SDK2: variants seen among roughly 807,000 people sequenced by gnomAD.
The protein encoded by SDK2 is protein sidekick-2.
In SDK2, 105 loss-of-function variants were observed where a neutral mutation model predicts 253.9. The observed-to-expected ratio is 0.41, with a 90% CI of 0.35 to 0.49. The LOEUF is 0.49. Among genes scored for constraint, SDK2 ranks in the 20% least tolerant of loss-of-function variants. The probability of loss-of-function intolerance (pLI) is 0.06; values close to 1 mark genes in which losing one functional copy is unlikely to be tolerated. For missense variants in SDK2, 2,608 were observed against 3,003.0 expected, an observed-to-expected ratio of 0.87 and a Z score of 3.07; for synonymous variants, 1,249 against 1,234.9, an observed-to-expected ratio of 1.01 and a Z score of -0.24.
chr17:73,435,397 C>T lies in SDK2; in HGVS notation c.1195+53G>A. On this transcript the variant is annotated intron_variant, in intron 9 of 44. Transcript: ENST00000392650. This position sits in a 1 kb window ranked among gnomAD's most constrained non-coding sequence, Gnocchi z 5.7. ...CCCCTCGGAAGACCTTGGAAGAAAG[C>T]TGCGTCCTGGGAAGAGGGGCTCACG... 6.7e-7 allele frequency: 1 copy of T among 1,496,872 alleles called. No homozygotes were observed. The highest frequency in any genetic ancestry group is 9.0e-7 in the Non-Finnish European group (1 of 1,110,406). 92.7% of individuals were successfully genotyped at this position (1,496,872 alleles called of 1,614,324 possible). A position where few individuals can be genotyped will look rare whatever the true frequency, so the allele number is the denominator to read the frequency against.
rs537859725 is a variant in SDK2 at position 73,544,574 on chromosome 17, ATG to A, written c.65-36979_65-36978del. On this transcript the variant is annotated intron_variant, in intron 1 of 44. Transcript: ENST00000392650. ...GATGGATGAATATGTGTATGTATGCATGTGTGTATGGATGGACAGAATGGATA... is the reference window on the plus strand; with the variant it reads ...GATGGATGAATATGTGTATGTATGCATGTGTATGGATGGACAGAATGGATA... Among the ~76,000 whole-genome samples the A allele has an allele frequency of 5.2e-4, 79 of 152,338 alleles. 3 individuals are homozygous for A. In the South Asian group the frequency reaches 0.016, roughly 30 times the overall value.
At chr17:73,519,070 G>A (rs183627853) in intron 1 of SDK2, 2 of 152,362 alleles carry the variant, frequency 1.3e-5, no homozygotes, top group South Asian at 2.1e-4. Flanking sequence ...AGGTCTGCAG[G>A]AGCCCAGAGC....
Position 73,379,520 on chromosome 17 carries a change from G to A in SDK2, c.4792C>T (p.Arg1598Trp), listed in dbSNP as rs865895593. 9.9e-6 allele frequency: 16 copies of A among 1,612,218 alleles called. No homozygotes were observed. Among genetic ancestry groups the A allele is most frequent in the African/African-American group, 9.3e-5 (7 of 74,870 alleles). Residue 1598 changes from arginine (R) to tryptophan (W), a missense_variant, in exon 35 of 45, where the codon CGG becomes TGG. By Grantham distance (101) the Arg-to-Trp change is moderately radical (BLOSUM62 -3). This residue lies in a region of SDK2 where 1,103 missense variants were observed against 1,143.9 expected (regional missense o/e 0.96). Transcript: ENST00000392650. This position sits in a 1 kb window ranked among gnomAD's most constrained non-coding sequence, Gnocchi z 4.5. ...NLNKHRRYEI[R>W]MSVYNAVGEG... ...CCCACAGCGTTGTACACGCTCATCC[G>A]TATCTCGTACCGCCTGTGCTTGTTC...
rs530811609 is a variant in SDK2, at chr17:73,642,020, G to T, written c.64+2005C>A. 6.6e-6 allele frequency among the ~76,000 whole-genome samples: 1 copy of T among 152,174 alleles called. No homozygotes were observed. Among genetic ancestry groups the T allele is most frequent in the South Asian group, 2.1e-4 (1 of 4,822 alleles). On this transcript the variant is annotated intron_variant, in intron 1 of 44. Transcript: ENST00000392650. The surrounding 1 kb of genome is among the most constrained non-coding windows in gnomAD (Gnocchi z 4.7). ...GCAGGGGACCTGGGCAGCCTGACACGCAAAAAGCCAGCAAACAAGAAAGGC... is the reference window on the plus strand; with the variant it reads ...GCAGGGGACCTGGGCAGCCTGACACTCAAAAAGCCAGCAAACAAGAAAGGC...
rs1274124449 is a variant in SDK2 at position 73,455,882 on chromosome 17, G to T, written c.479+24C>A. The T allele has an allele frequency of 3.3e-6, 3 of 921,344 alleles. No homozygotes were observed. Among genetic ancestry groups the T allele is most frequent in the Non-Finnish European group, 4.6e-6 (3 of 647,198 alleles). The allele number at this position is 921,344 out of a possible 1,614,324, so 57.1% of individuals were successfully genotyped here. A position where few individuals can be genotyped will look rare whatever the true frequency, so the allele number is the denominator to read the frequency against. Reference sequence around the variant, plus strand: ...TCCCCCAGACACCCCTCCCCTCCCCGTCCCCTCAGAGCGATGCACTCACAT... The same window carrying T: ...TCCCCCAGACACCCCTCCCCTCCCCTTCCCCTCAGAGCGATGCACTCACAT... On this transcript the variant is annotated intron_variant, in intron 4 of 44. Transcript: ENST00000392650. The surrounding 1 kb of genome is among the most constrained non-coding windows in gnomAD (Gnocchi z 5.0).
At chr17:73,386,914 C>A (rs1297091458) in intron 30 of SDK2, among the ~76,000 whole-genome samples, 2 of 152,222 alleles carry the variant, frequency 1.3e-5, no homozygotes, top group Non-Finnish European at 2.9e-5. Context: ...TCCTCCCCTG[C>A]CCCCAACAAA....
At chr17:73,633,214 G>A (rs1485610738) in intron 1 of SDK2, among the ~76,000 whole-genome samples, 2 of 152,180 alleles carry the variant, frequency 1.3e-5, no homozygotes, top group Non-Finnish European at 2.9e-5. Flanking sequence ...GAACCTAGAA[G>A]GTTGAGGCTG....
At chr17:73,628,456 C>T (rs1056312076) in intron 1 of SDK2, among the ~76,000 whole-genome samples, 3 of 152,212 alleles carry the variant, frequency 2.0e-5, no homozygotes, top group African/African-American at 7.2e-5. Context: ...ATTGACATTG[C>T]ACCTGCAAAG....
At chr17:73,560,489 G>A (rs888167416) in intron 1 of SDK2, among the ~76,000 whole-genome samples, 2 of 152,022 alleles carry the variant, frequency 1.3e-5, no homozygotes, top group Non-Finnish European at 2.9e-5. Flanking sequence ...ACAGGCGTGC[G>A]CCACCATGCG....
At chr17:73,439,983 C>A (rs1423936011) in intron 6 of SDK2, among the ~76,000 whole-genome samples, 1 of 152,098 alleles carries the variant, frequency 6.6e-6, no homozygotes, top group East Asian at 1.9e-4. Context: ...GGCACTTAGC[C>A]ACACATAATG....
chr17:73,642,797 T>C lies in SDK2; in HGVS notation c.64+1228A>G, dbSNP rs2046413992. Among the ~76,000 whole-genome samples, 1 of 152,210 alleles carries C rather than the reference T, an allele frequency of 6.6e-6. No individual in the cohort carries two copies. Among genetic ancestry groups the C allele is most frequent in the African/African-American group, 2.4e-5 (1 of 41,456 alleles). The stretch of plus-strand genomic sequence containing the variant: ...TCGTTACAAAATTTCGAAGTGCTTT[T>C]ATGTAAATTACCTCGTAAAATCCTC... On this transcript the variant is annotated intron_variant, in intron 1 of 44. Transcript: ENST00000392650. The surrounding 1 kb of genome is among the most constrained non-coding windows in gnomAD (Gnocchi z 4.7).
At chr17:73,586,688 A>G (rs1352911410) in intron 1 of SDK2, among the ~76,000 whole-genome samples, 2 of 152,064 alleles carry the variant, frequency 1.3e-5, no homozygotes, top group Non-Finnish European at 2.9e-5. Flanking sequence ...GGTTGACTCA[A>G]CCACCTCCCA....
intron 16 of SDK2, among the ~76,000 whole-genome samples, chr17:73,418,319 TA>T (rs1228976721): frequency 6.6e-6 from 1 of 152,190 alleles, no homozygotes; most frequent in Non-Finnish European, 1.5e-5. Flanking sequence ...AAGATTTTTT[TA>T]AAAGCAAAGG....
At chr17:73,568,987 T>A (rs1412414345) in intron 1 of SDK2, among the ~76,000 whole-genome samples, 1 of 152,154 alleles carries the variant, frequency 6.6e-6, no homozygotes, top group Non-Finnish European at 1.5e-5. Flanking sequence ...ATGGCCTTTG[T>A]GTATATTTTC....
At chr17:73,582,616 T>C (rs1309184545) in intron 1 of SDK2, among the ~76,000 whole-genome samples, 2 of 152,216 alleles carry the variant, frequency 1.3e-5, no homozygotes, top group African/African-American at 4.8e-5. Context: ...TCGCTGCCTG[T>C]TCACCCTTGA....
At position 73,338,871 on chromosome 17, in the gene SDK2, T is replaced by C. The variant is rs1330996945; in HGVS notation, c.6235A>G (p.Ser2079Gly). 3 of 1,614,014 alleles carry C rather than the reference T, an allele frequency of 1.9e-6. No homozygotes were observed. Among genetic ancestry groups the C allele is most frequent in the Non-Finnish European group, 2.5e-6 (3 of 1,179,902 alleles). ...CACGAGTTGTAGTATGTGGGGTCAC[T>C]GATGTAGTGGTTGACAAAGGAGTGG... ...KAHSFVNHYISDPTYYNSWRR... is the reference protein window; with the variant it reads ...KAHSFVNHYIGDPTYYNSWRR... The change falls in exon 45 of 45, where the codon AGT becomes GGT. Residue 2079 changes from serine to glycine, a missense_variant. Transcript: ENST00000392650. The surrounding 1 kb of genome is among the most constrained non-coding windows in gnomAD (Gnocchi z 5.0).
In SDK2 at chr17:73,612,904, G is replaced by T. The variant is rs2045995663; in HGVS notation, c.64+31121C>A. Among the ~76,000 whole-genome samples the T allele has an allele frequency of 6.6e-6, 1 of 150,934 alleles. No individual in the cohort carries two copies. Among genetic ancestry groups the T allele is most frequent in the Non-Finnish European group, 1.5e-5 (1 of 68,018 alleles). ...TGCACTCCAGCCTGGGTGACAGAGC[G>T]AGACTCCGTCTCAAATAATAATAAT... On this transcript the variant is annotated intron_variant, in intron 1 of 44. Coordinates refer to ENST00000392650, the MANE Select transcript of SDK2 (RefSeq NM_001144952.2). The surrounding 1 kb of genome is among the most constrained non-coding windows in gnomAD (Gnocchi z 4.4).
At chr17:73,483,707 A>ATTTTT (rs35288553) in intron 2 of SDK2, among the ~76,000 whole-genome samples, 2 of 64,306 alleles carry the variant, frequency 3.1e-5, no homozygotes, top group African/African-American at 7.2e-5. Flanking sequence ...ATATATATAT[A>ATTTTT]TTTTTTTTTT....
intron 1 of SDK2, among the ~76,000 whole-genome samples, chr17:73,634,463 C>T (rs1333613911): frequency 6.6e-6 from 1 of 152,206 alleles, no homozygotes; most frequent in Non-Finnish European, 1.5e-5. Flanking sequence ...AGAGCAAATG[C>T]GATGTCTATG....
Sources: gnomAD v4.1 joint callset for allele counts (sites outside exome capture counted in the v4.1 genomes callset) on GRCh38, gnomAD v4.1.1 for gene constraint, gnomAD v4.1.1 regional missense constraint, Gnocchi (gnomAD v3.1) non-coding constraint, MANE v1.5 for transcripts, NCBI Gene and HGNC (gene_info 2026-07-23, HGNC 2026-07-21) for gene names.